FRMD6: variants seen among roughly 807,000 people sequenced by gnomAD.
FRMD6 encodes the protein FERM domain containing 6.
In FRMD6, 37 loss-of-function variants were observed where a neutral mutation model predicts 73.2. The observed-to-expected ratio is 0.51, with a 90% confidence interval of 0.39 to 0.66. The LOEUF is 0.66. Ranked by LOEUF, FRMD6 falls within the 30% of genes least tolerant of loss-of-function variation. The pLI is 0.00. For synonymous variants in FRMD6, 273 were observed against 282.2 expected (o/e 0.97, Z 0.33); for missense variants, 714 against 780.5 (o/e 0.91, Z 1.02).
chr14:51,641,582 A>G (rs1566521173), intron 2 of FRMD6, among the ~76,000 whole-genome samples: 1 of 152,240 alleles, frequency 6.6e-6, no homozygotes, highest in East Asian at 1.9e-4. Context: ...CTGAGTCCAA[A>G]TATCTCACTC....
intron 13 of FRMD6, among the ~76,000 whole-genome samples, chr14:51,727,102 A>G (rs1039419377): frequency 6.6e-6 from 1 of 151,960 alleles, no homozygotes; most frequent in African/African-American, 2.4e-5. Flanking sequence ...TCGGGAACTT[A>G]GTCCTGGTGC....
intron 1 of FRMD6, among the ~76,000 whole-genome samples, chr14:51,530,432 A>G (rs1885516491): frequency 6.6e-6 from 1 of 152,214 alleles, no homozygotes; most frequent in Non-Finnish European, 1.5e-5. Context: ...ATTAAATGTA[A>G]AAGTGTGTTG....
At chr14:51,655,760 A>T (rs1049527994) in intron 1 of FRMD6, among the ~76,000 whole-genome samples, 2 of 152,204 alleles carry the variant, frequency 1.3e-5, no homozygotes, top group African/African-American at 4.8e-5. Flanking sequence ...GATTAGAATC[A>T]AGGTGCCCTA....
intron 2 of FRMD6, among the ~76,000 whole-genome samples, chr14:51,694,011 G>A (rs892598756): frequency 2.0e-5 from 3 of 152,110 alleles, no homozygotes; most frequent in East Asian, 1.9e-4. Flanking sequence ...TAGCAAAAAC[G>A]ATTTTATTAA....
the FRMD6 span, among the ~76,000 whole-genome samples, chr14:51,472,539 G>A: frequency 3.9e-5 from 6 of 152,256 alleles, no homozygotes; most frequent in South Asian, 6.2e-4. Flanking sequence ...TCCTGACCTC[G>A]TGATCTGCCC....
At chr14:51,598,982 G>A (rs963527797) in intron 2 of FRMD6, among the ~76,000 whole-genome samples, 17 of 150,850 alleles carry the variant, frequency 1.1e-4, no homozygotes, top group South Asian at 6.3e-4. Flanking sequence ...TGCTTTCCAC[G>A]GTGGCTGGAC....
At chr14:51,515,053 TC>T (rs1884546572) in intron 1 of FRMD6, among the ~76,000 whole-genome samples, 3 of 152,262 alleles carry the variant, frequency 2.0e-5, no homozygotes, top group Admixed American at 2.0e-4. Flanking sequence ...CCCACCCCCA[TC>T]CTAGAAACTT....
chr14:51,407,972 T>G, the FRMD6 span, among the ~76,000 whole-genome samples: 4 of 152,204 alleles, frequency 2.6e-5, no homozygotes, highest in African/African-American at 7.2e-5. Flanking sequence ...TAGCATTCCT[T>G]TATTGTTCTT....
chr14:51,592,441 A>G (rs923292063), intron 2 of FRMD6, among the ~76,000 whole-genome samples: 12 of 152,226 alleles, frequency 7.9e-5, no homozygotes, highest in African/African-American at 2.9e-4. Flanking sequence ...AGCCCTGTAC[A>G]GTGTTTTAAA....
At chr14:51,719,776 A>G (rs1388473142) in intron 10 of FRMD6, among the ~76,000 whole-genome samples, 1 of 152,236 alleles carries the variant, frequency 6.6e-6, no homozygotes, top group African/African-American at 2.4e-5. Context: ...AAATTTGCAG[A>G]CAAGAAGTGG....
intron 1 of FRMD6, among the ~76,000 whole-genome samples, chr14:51,556,499 G>A (rs188429858): frequency 1.0e-3 from 155 of 152,190 alleles, no homozygotes; most frequent in Admixed American, 1.7e-3. Flanking sequence ...TTACTTAATT[G>A]CTTTACAAGA....
At chr14:51,710,185 A>T (rs1381001642) in intron 7 of FRMD6, among the ~76,000 whole-genome samples, 2 of 152,170 alleles carry the variant, frequency 1.3e-5, no homozygotes, top group African/African-American at 4.8e-5. Context: ...AATGACTCTT[A>T]TCTGCTAAAA....
intron 2 of FRMD6, among the ~76,000 whole-genome samples, chr14:51,625,981 G>A (rs1891099368): frequency 6.6e-6 from 1 of 152,178 alleles, no homozygotes; most frequent in Non-Finnish European, 1.5e-5. Context: ...TATAGTTGTA[G>A]TAGACGCTCA....
At position 51,729,280 on chromosome 14, in the gene FRMD6, A is replaced by C. The variant is rs1898141787; in HGVS notation, c.*1251A>C. 3 of 152,270 alleles carry C rather than the reference A, an allele frequency of 2.0e-5. No homozygotes were observed. In the South Asian group the frequency reaches 6.2e-4, roughly 32 times the overall value. 9.4% of individuals were successfully genotyped at this position (152,270 alleles called of 1,614,324 possible). A position where few individuals can be genotyped will look rare whatever the true frequency, so the allele number is the denominator to read the frequency against. On this transcript the variant is annotated 3_prime_UTR_variant, in exon 14 of 14. Coordinates refer to ENST00000344768, the MANE Select transcript of FRMD6 (RefSeq NM_001267046.2). Reference sequence around the variant, plus strand: ...TCTCCAGATGGAGCTAATATGCAACAAAGTTGAAAACCACTGATCCTGGGG... The same window carrying C: ...TCTCCAGATGGAGCTAATATGCAACCAAGTTGAAAACCACTGATCCTGGGG...
chr14:51,619,829 C>T (rs1256346066), intron 2 of FRMD6, among the ~76,000 whole-genome samples: 1 of 152,012 alleles, frequency 6.6e-6, no homozygotes, highest in Non-Finnish European at 1.5e-5. Context: ...TATAATATTA[C>T]TCCATGAGAA....
chr14:51,728,028 A>G lies in FRMD6; in HGVS notation c.1868A>G (p.Ter623=), dbSNP rs1230780564. The G allele has an allele frequency of 1.2e-6, 2 of 1,605,244 alleles. No homozygotes were observed. Among genetic ancestry groups the G allele is most frequent in the Non-Finnish European group, 8.5e-7 (1 of 1,173,124 alleles). Residue 623 remains the stop codon, a stop_retained_variant, in exon 14 of 14, where the codon TAA becomes TGA. Coordinates refer to ENST00000344768, the MANE Select transcript of FRMD6 (RefSeq NM_001267046.2). The part of the protein sequence containing the change: ...THDEVPEFVV[*] ...GATGAAGTTCCAGAGTTTGTTGTGTAAAGTCCGTCTGTGTGCAGCTGTACA... is the reference window on the plus strand; with the variant it reads ...GATGAAGTTCCAGAGTTTGTTGTGTGAAGTCCGTCTGTGTGCAGCTGTACA...
At chr14:51,699,586 C>T (rs1325996332) in intron 3 of FRMD6, among the ~76,000 whole-genome samples, 1 of 151,996 alleles carries the variant, frequency 6.6e-6, no homozygotes, top group African/African-American at 2.4e-5. Context: ...TCCGGTTGCA[C>T]CCCTAACTAG....
At chr14:51,690,083 C>T in intron 2 of FRMD6, 148 bp downstream of exon 2, 1 of 663,752 alleles carries the variant, frequency 1.5e-6, no homozygotes, top group South Asian at 1.8e-5. Flanking sequence ...TCCATACATA[C>T]ATTAACTTAG....
At chr14:51,647,598 A>T (rs1265313322), upstream of FRMD6, among the ~76,000 whole-genome samples, 1 of 152,178 alleles carries the variant, frequency 6.6e-6, no homozygotes, top group South Asian at 2.1e-4. Context: ...TGTTTAAAGT[A>T]CTTTTTGTTT....
Sources: gnomAD v4.1 joint callset for allele counts (sites outside exome capture counted in the v4.1 genomes callset) on GRCh38, gnomAD v4.1.1 for gene constraint, MANE v1.5 for transcripts, NCBI Gene and HGNC (gene_info 2026-07-23, HGNC 2026-07-21) for gene names.